Variants in MYO16 observed in about 807,000 individuals in gnomAD.
MYO16 encodes the protein myosin XVI.
Under a neutral mutation model 205.3 loss-of-function variants are expected in MYO16, and 94 were observed. The ratio of observed to expected loss-of-function variants is 0.46; its 90% CI spans 0.39 to 0.54. The LOEUF is 0.54. Among genes scored for constraint, MYO16 ranks in the 20% least tolerant of loss-of-function variants. MYO16 has a pLI of 0.00. For synonymous variants in MYO16, 988 were observed against 954.0 expected (o/e 1.04, Z -0.66); for missense variants, 2,315 against 2,387.5 (o/e 0.97, Z 0.63).
intron 7 of MYO16, among the ~76,000 whole-genome samples, chr13:108,813,420 T>C (rs544728609): frequency 6.6e-6 from 1 of 152,304 alleles, no homozygotes; most frequent in South Asian, 2.1e-4. Flanking sequence ...TTTAACATTA[T>C]ATTTTCCTCT....
chr13:108,868,003 T>C (rs997500651), intron 12 of MYO16, among the ~76,000 whole-genome samples: 1 of 152,204 alleles, frequency 6.6e-6, no homozygotes, highest in African/African-American at 2.4e-5. Context: ...ATAAGTACAA[T>C]AGGTTATTGT....
chr13:108,780,256 A>G (rs1886258460), intron 4 of MYO16, among the ~76,000 whole-genome samples: 1 of 152,198 alleles, frequency 6.6e-6, no homozygotes, highest in South Asian at 2.1e-4. Flanking sequence ...TAAAGAATGA[A>G]AGCAAGGCAT....
At chr13:108,913,463 A>C (rs1881355811) in intron 16 of MYO16, among the ~76,000 whole-genome samples, 2 of 152,136 alleles carry the variant, frequency 1.3e-5, no homozygotes, top group South Asian at 4.1e-4. Flanking sequence ...TATTTGTTTA[A>C]TGTTTAAATT....
At chr13:108,509,033 A>G in the MYO16 span, among the ~76,000 whole-genome samples, 4 of 152,196 alleles carry the variant, frequency 2.6e-5, no homozygotes, top group African/African-American at 9.7e-5. Context: ...GAGTAAGGTG[A>G]GAAACGCTGA....
chr13:109,085,601 T>C (rs758583532), intron 27 of MYO16, among the ~76,000 whole-genome samples: 11 of 152,190 alleles, frequency 7.2e-5, no homozygotes, highest in Non-Finnish European at 1.2e-4. Context: ...AAAGGGAGGA[T>C]TGCATTTGAG....
the MYO16 span, among the ~76,000 whole-genome samples, chr13:108,572,150 C>T: frequency 2.6e-5 from 4 of 152,052 alleles, no homozygotes; most frequent in African/African-American, 9.7e-5. Context: ...TGATCTCAAA[C>T]TCCTGCCCTC....
chr13:108,995,440 C>CT lies in MYO16; in HGVS notation c.2442+3000dup, dbSNP rs535596169. On this transcript the variant is annotated intron_variant, in intron 21 of 34. Coordinates refer to ENST00000457511, the MANE Select transcript of MYO16 (RefSeq NM_001198950.3). ...GAATCATTTCTATTCAAAAGTATTT[C>CT]TTTTTTTTATTATTATACTTTAAGT... Among the ~76,000 whole-genome samples the CT allele has an allele frequency of 2.1e-3, 318 of 152,048 alleles. 3 individuals are homozygous for CT. Among genetic ancestry groups the CT allele is most frequent in the African/African-American group, 7.2e-3 (298 of 41,480 alleles).
chr13:108,547,355 T>C, the MYO16 span, among the ~76,000 whole-genome samples: 1 of 151,572 alleles, frequency 6.6e-6, no homozygotes, highest in Non-Finnish European at 1.5e-5. Context: ...CCACAAGCAG[T>C]GTGCACAAAT....
the MYO16 span, among the ~76,000 whole-genome samples, chr13:108,516,153 G>T: frequency 2.0e-5 from 3 of 152,016 alleles, no homozygotes; most frequent in Admixed American, 2.0e-4. Flanking sequence ...GACCCTCTGA[G>T]CCAGGTGTGG....
At chr13:109,186,319 T>A (rs1454127256) in intron 34 of MYO16, among the ~76,000 whole-genome samples, 1 of 152,198 alleles carries the variant, frequency 6.6e-6, no homozygotes, top group African/African-American at 2.4e-5. Context: ...CATTAGGGAC[T>A]GAAGGGCAGG....
chr13:109,178,952 A>G (rs1176694545), intron 33 of MYO16, among the ~76,000 whole-genome samples: 1 of 152,228 alleles, frequency 6.6e-6, no homozygotes, highest in African/African-American at 2.4e-5. Context: ...TCATAAACCT[A>G]CAAGTTACTC....
chr13:108,622,237 T>C (rs1170476627), intron 1 of MYO16, among the ~76,000 whole-genome samples: 1 of 152,156 alleles, frequency 6.6e-6, no homozygotes, highest in East Asian at 1.9e-4. Flanking sequence ...ATTAGATCAA[T>C]ACAACATCAG....
chr13:109,058,031 C>A (rs1887469499), intron 27 of MYO16, among the ~76,000 whole-genome samples: 2 of 152,066 alleles, frequency 1.3e-5, no homozygotes, highest in Admixed American at 1.3e-4. Flanking sequence ...CACCTGGAGG[C>A]TTCTTAAAAT....
At chr13:108,848,112 G>A (rs968577181) in intron 10 of MYO16, among the ~76,000 whole-genome samples, 1 of 152,068 alleles carries the variant, frequency 6.6e-6, no homozygotes, top group Non-Finnish European at 1.5e-5. Context: ...ATAGGACTGG[G>A]CTTGTATGGT....
rs1883768072 is a variant in MYO16 at position 108,712,671 on chromosome 13, C to T, written c.303C>T (p.Leu101=). 4 of 1,614,042 alleles carry T rather than the reference C, an allele frequency of 2.5e-6. No individual in the cohort carries two copies. Among genetic ancestry groups the T allele is most frequent in the Admixed American group, 1.7e-5 (1 of 60,008 alleles). The change falls in exon 3 of 35, where the codon CTC becomes CTT. Residue 101 remains leucine, a synonymous_variant. Transcript: ENST00000457511. ...CTCTGTTGTTTTCAGTGCTTCGGCT[C>T]CTGAAGGAGGGGGCAGACCCCCACA... is the stretch of plus-strand genomic sequence containing the variant. ...IHHNDKEVLR[L]LKEGADPHTL...
At chr13:108,778,439 C>T (rs1322358120) in intron 4 of MYO16, among the ~76,000 whole-genome samples, 5 of 151,346 alleles carry the variant, frequency 3.3e-5, no homozygotes, top group South Asian at 2.2e-4. Flanking sequence ...GCCAACATGG[C>T]GAAACCCCGT....
chr13:109,125,264 G>T lies in MYO16; in HGVS notation c.3688G>T (p.Ala1230Ser). The T allele has an allele frequency of 2.5e-6, 4 of 1,614,128 alleles. No individual in the cohort carries two copies. Among genetic ancestry groups the T allele is most frequent in the Non-Finnish European group, 3.4e-6 (4 of 1,180,028 alleles). ...GGTCATTCAGAATGCTTCAGACATT[G>T]CCCGGGAAAATGACCGGCTCCGTAG... ...ALVIQNASDI[A>S]RENDRLRSEM... The change falls in exon 30 of 35, where the codon GCC becomes TCC. Residue 1230 changes from alanine to serine, a missense_variant. Ala to Ser is a moderately conservative substitution (Grantham distance 99). Coordinates refer to ENST00000457511, the MANE Select transcript of MYO16 (RefSeq NM_001198950.3). The surrounding 1 kb of genome is among the most constrained non-coding windows in gnomAD (Gnocchi z 4.0).
chr13:109,108,327 C>T (rs1889182633), intron 28 of MYO16, among the ~76,000 whole-genome samples: 1 of 152,212 alleles, frequency 6.6e-6, no homozygotes, highest in African/African-American at 2.4e-5. Flanking sequence ...ATGAAGGTAT[C>T]TGCAGTGCGT....
intron 1 of MYO16, among the ~76,000 whole-genome samples, chr13:108,603,944 T>C (rs572203974): frequency 1.4e-4 from 21 of 152,232 alleles, no homozygotes; most frequent in Non-Finnish European, 2.6e-4. Flanking sequence ...CCAGGTAATA[T>C]ATAAAGAAAG....
Sources: allele counts gnomAD v4.1 joint callset (sites outside exome capture counted in the v4.1 genomes callset), GRCh38; gene constraint gnomAD v4.1.1; non-coding constraint Gnocchi (gnomAD v3.1); transcripts MANE v1.5; gene names NCBI Gene and HGNC (gene_info 2026-07-23, HGNC 2026-07-21).